The following PHRF1 variants were observed in gnomAD, a reference collection of about 807,000 sequenced individuals.
The protein encoded by PHRF1 is PHD and RING finger domain-containing protein 1.
A neutral mutation model predicts 128.9 loss-of-function variants in PHRF1; 53 were observed. The observed-to-expected ratio is 0.41, with a 90% CI of 0.33 to 0.52. The LOEUF is 0.52. Among genes scored for constraint, PHRF1 ranks in the 20% least tolerant of loss-of-function variants. PHRF1 has a pLI of 0.21. For missense variants in PHRF1, 2,503 were observed against 2,284.5 expected, an observed-to-expected ratio of 1.10 and a Z score of -1.95; for synonymous variants, 1,178 against 980.6, an observed-to-expected ratio of 1.20 and a Z score of -3.76.
chr11:606,440 A>C lies in PHRF1; in HGVS notation c.1455-2A>C. On this transcript the variant is annotated splice_acceptor_variant, in intron 12 of 17. Transcript: ENST00000264555. LOFTEE classifies it high-confidence loss of function. ...GGCAGGGCCTTGGGTCTGTGCCCAC[A>C]GGAGGCGCCTCCCTGCCGCGGTGCC... 6.5e-7 allele frequency: 1 copy of C among 1,545,326 alleles called. No homozygotes were observed. Among genetic ancestry groups the C allele is most frequent in the Non-Finnish European group, 8.7e-7 (1 of 1,151,024 alleles).
chr11:576,721 G>C (rs1351986270), intron 1 of PHRF1, 129 bp downstream of exon 1: 1 of 147,886 alleles, frequency 6.8e-6, no homozygotes, highest in Non-Finnish European at 1.5e-5. Context: ...GCCGCGGGCC[G>C]GGAGGGCGGG....
intron 1 of PHRF1, among the ~76,000 whole-genome samples, chr11:579,266 C>CTGCTTTTCCCCCCAGCCG (rs1854071645): frequency 6.6e-6 from 1 of 152,134 alleles, no homozygotes; most frequent in African/African-American, 2.4e-5. Flanking sequence ...CCCCCCAGCC[C>CTGCTTTTCCCCCCAGCCG]TGCTCTGTTA....
At chr11:607,039 A>G in intron 13 of PHRF1, 27 bp from the exon 14 acceptor site, 1 of 1,536,086 alleles carries the variant, frequency 6.5e-7, no homozygotes, top group Non-Finnish European at 8.8e-7. Flanking sequence ...GTGGGAAATG[A>G]TTGCCATTGA....
chr11:582,227 T>A (rs1048889061), intron 3 of PHRF1, 146 bp downstream of exon 3: 163 of 1,213,372 alleles, frequency 1.3e-4, no homozygotes, highest in Non-Finnish European at 1.8e-4. Flanking sequence ...TATATTCAGC[T>A]GTGGTGACGG....
intron 3 of PHRF1, among the ~76,000 whole-genome samples, chr11:582,766 C>T (rs888573114): frequency 1.3e-5 from 2 of 151,782 alleles, no homozygotes; most frequent in Admixed American, 6.6e-5. Flanking sequence ...CCTCGTGATC[C>T]GCCCACCTCA....
At chr11:586,618 T>C (rs968300614) in intron 3 of PHRF1, among the ~76,000 whole-genome samples, 1 of 152,346 alleles carries the variant, frequency 6.6e-6, no homozygotes, top group Admixed American at 6.5e-5. Flanking sequence ...ACAAAGAAGA[T>C]AGCAGTGCAC....
Position 609,056 on chromosome 11 carries a change from G to A in PHRF1, c.3600G>A (p.Glu1200=), listed in dbSNP as rs1367213183. 6.3e-7 allele frequency: 1 copy of A among 1,595,870 alleles called. No individual in the cohort carries two copies. The highest frequency in any genetic ancestry group is 1.3e-5 in the African/African-American group (1 of 74,592). ...CAGAGAGGAAGGGGGCTGTGAGGGA[G>A]GCTTCCCCAGCGCCCCTTGCACAGG... The part of the protein sequence containing the change: ...HSPERKGAVR[E]ASPAPLAQGE... The change falls in exon 14 of 18, where the codon GAG becomes GAA. Residue 1200 remains glutamate, a synonymous_variant. Coordinates refer to ENST00000264555, the MANE Select transcript of PHRF1 (RefSeq NM_001286581.2).
chr11:582,105 G>A (rs542635251), intron 3 of PHRF1, 24 bp downstream of exon 3: 51 of 1,566,502 alleles, frequency 3.3e-5, no homozygotes, highest in South Asian at 1.4e-4. Flanking sequence ...TGTTCACGCC[G>A]GCTCCTGTGT....
At chr11:589,033 G>A (rs1479232925) in intron 4 of PHRF1, among the ~76,000 whole-genome samples, 1 of 151,972 alleles carries the variant, frequency 6.6e-6, no homozygotes, top group Non-Finnish European at 1.5e-5. Context: ...CTACTCGGGA[G>A]GCTGAGGCAG....
intron 5 of PHRF1, 58 bp from the exon 6 acceptor site, chr11:592,501 G>A (rs1855036239): frequency 7.9e-6 from 12 of 1,526,016 alleles, no homozygotes; most frequent in South Asian, 1.1e-5. Context: ...TTTCACGCTG[G>A]GAAGTGACTG....
Position 608,973 on chromosome 11 carries a change from C to T in PHRF1, c.3517C>T (p.Arg1173Trp), listed in dbSNP as rs375172307. 2.0e-5 allele frequency: 32 copies of T among 1,607,598 alleles called. No individual in the cohort carries two copies. Among genetic ancestry groups the T allele is most frequent in the South Asian group, 2.0e-4 (18 of 90,598 alleles). Residue 1173 changes from arginine to tryptophan, a missense_variant, in exon 14 of 18, where the codon CGG becomes TGG. By Grantham distance (101) the Arg-to-Trp change is moderately radical. Transcript: ENST00000264555. ...GTCCCCAAGCTCGGAGCACAGGGCACGGGAGCACAGGCGGCCTCGGTCCCG... is the reference window on the plus strand; with the variant it reads ...GTCCCCAAGCTCGGAGCACAGGGCATGGGAGCACAGGCGGCCTCGGTCCCG... ...SRSPSSEHRA[R>W]EHRRPRSREK... is the part of the protein sequence containing the mutation.
intron 8 of PHRF1, 47 bp from the exon 9 acceptor site, chr11:598,326 G>A (rs375878698): frequency 2.9e-5 from 46 of 1,588,948 alleles, no homozygotes; most frequent in African/African-American, 1.1e-4. Context: ...GTGCTGGACC[G>A]GCTGAGGCCC....
Position 584,729 on chromosome 11 carries a change from CTTTTTTTTTTTTTTT to C in PHRF1, c.215-2519_215-2505del, listed in dbSNP as rs869125196. Among the ~76,000 whole-genome samples, 4 of 90,322 alleles carry C rather than the reference CTTTTTTTTTTTTTTT, an allele frequency of 4.4e-5. No individual in the cohort carries two copies. In the South Asian group the frequency reaches 1.5e-3, roughly 34 times the overall value. The allele number at this position is 90,322 out of a possible 152,430, so 59.3% of individuals were successfully genotyped here. A position where few individuals can be genotyped will look rare whatever the true frequency, so the allele number is the denominator to read the frequency against. On this transcript the variant is annotated intron_variant, in intron 3 of 17. Coordinates refer to ENST00000264555, the MANE Select transcript of PHRF1 (RefSeq NM_001286581.2). ...ACACTTCTTTTTATTTCTCCAGGAC[CTTTTTTTTTTTTTTT>C]TTTTTTTTTTGAGACCGAGTTTCAC... is the stretch of plus-strand genomic sequence containing the variant.
chr11:597,634 TGGGTGGGTGGGAGGGG>T lies in PHRF1; in HGVS notation c.894+65_894+80del. 8.5e-7 allele frequency: 1 copy of T among 1,178,568 alleles called. No homozygotes were observed. The highest frequency in any genetic ancestry group is 2.3e-5 in the Admixed American group (1 of 44,408). 73.0% of individuals were successfully genotyped at this position (1,178,568 alleles called of 1,614,324 possible). A position where few individuals can be genotyped will look rare whatever the true frequency, so the allele number is the denominator to read the frequency against. The stretch of plus-strand genomic sequence containing the variant: ...GCTGCCCAGAGTGATCTCGGCAGTC[TGGGTGGGTGGGAGGGG>T]CGTCGTCGGCACTGTGGGGTCCGCC... On this transcript the variant is annotated intron_variant, in intron 8 of 17. Transcript: ENST00000264555. This position sits in a 1 kb window ranked among gnomAD's most constrained non-coding sequence, Gnocchi z 6.5.
intron 11 of PHRF1, 132 bp downstream of exon 11, chr11:605,432 G>A (rs1855884704): frequency 7.5e-6 from 11 of 1,459,856 alleles, no homozygotes; most frequent in South Asian, 5.2e-5. Context: ...TCCTCCCACC[G>A]CCATACGGTG....
At position 597,375 on chromosome 11, in the gene PHRF1, G is replaced by A. The variant is rs781187050; in HGVS notation, c.719-20G>A. On this transcript the variant is annotated intron_variant, in intron 7 of 17. Coordinates refer to ENST00000264555, the MANE Select transcript of PHRF1 (RefSeq NM_001286581.2). This position sits in a 1 kb window ranked among gnomAD's most constrained non-coding sequence, Gnocchi z 6.5. Reference sequence around the variant, plus strand: ...TGTGGCCTGTGAGTGTGGCACATCAGCCCTGGTGGTTCTTCCCAGATGCGG... The same window carrying A: ...TGTGGCCTGTGAGTGTGGCACATCAACCCTGGTGGTTCTTCCCAGATGCGG... 1 of 1,606,148 alleles carries A rather than the reference G, an allele frequency of 6.2e-7. No homozygotes were observed. Among genetic ancestry groups the A allele is most frequent in the South Asian group, 1.1e-5 (1 of 89,932 alleles).
chr11:583,759 G>A (rs1042445993), intron 3 of PHRF1, among the ~76,000 whole-genome samples: 4 of 152,192 alleles, frequency 2.6e-5, no homozygotes, highest in Admixed American at 6.5e-5. Context: ...AGACAAGTCC[G>A]TGGGGTGCGC....
Position 598,396 on chromosome 11 carries a change from T to C in PHRF1, c.918T>C (p.Ser306=). 1 of 1,610,678 alleles carries C rather than the reference T, an allele frequency of 6.2e-7. No individual in the cohort carries two copies. The change falls in exon 9 of 18, where the codon TCT becomes TCC. Residue 306 remains serine, a synonymous_variant. Transcript: ENST00000264555. ...AGCACACACCAGGGCGCCTCGGGTC[T>C]TCCCTGCTGGATGAAGCCATCGAGG... ...RVQHTPGRLG[S]SLLDEAIEAV...
At chr11:606,076 G>C (rs1486995687) in intron 12 of PHRF1, among the ~76,000 whole-genome samples, 5 of 152,252 alleles carry the variant, frequency 3.3e-5, no homozygotes, top group Admixed American at 3.3e-4. Flanking sequence ...CTTTTGGCCA[G>C]TTCTTTTGTT....
Sources: allele counts gnomAD v4.1 joint callset (sites outside exome capture counted in the v4.1 genomes callset), GRCh38; gene constraint gnomAD v4.1.1; non-coding constraint Gnocchi (gnomAD v3.1); transcripts MANE v1.5; gene names NCBI Gene and HGNC (gene_info 2026-07-23, HGNC 2026-07-21).